Variants in CD9 observed in about 807,000 individuals in gnomAD.
The protein encoded by CD9 is CD9 molecule, also known as CD9 antigen.
CD9 carries 10 observed loss-of-function variants against 31.4 expected under a neutral mutation model. The observed-to-expected ratio is 0.32, with a 90% confidence interval of 0.20 to 0.54. The LOEUF is 0.54. CD9 is among the 20% of genes least tolerant of loss of function. The pLI is 0.94. For missense variants in CD9, 259 were observed against 300.1 expected, an observed-to-expected ratio of 0.86 and a Z score of 1.01; for synonymous variants, 113 against 114.1, an observed-to-expected ratio of 0.99 and a Z score of 0.06.
intron 6 of CD9, 64 bp downstream of exon 6, chr12:6,235,629 G>C (rs1946510636): frequency 6.6e-7 from 1 of 1,523,486 alleles, no homozygotes; most frequent in Non-Finnish European, 8.9e-7. Flanking sequence ...CTGCAAGCAT[G>C]AAAGTGACAG....
At chr12:6,205,838 C>T (rs932093098) in intron 1 of CD9, 1 of 152,240 alleles carries the variant, frequency 6.6e-6, no homozygotes, top group Non-Finnish European at 1.5e-5. Flanking sequence ...TCACCCCAAC[C>T]ACAGCTTCTG....
intron 7 of CD9, 177 bp downstream of exon 7, chr12:6,236,452 C>A: frequency 1.6e-6 from 1 of 619,806 alleles, no homozygotes; most frequent in Non-Finnish European, 2.8e-6. Flanking sequence ...ATGTTCTGAT[C>A]AAAGCCTCTC....
chr12:6,211,101 G>GCTGGGATTACAGCA (rs1259468695), intron 1 of CD9, among the ~76,000 whole-genome samples: 1 of 152,136 alleles, frequency 6.6e-6, no homozygotes, highest in Non-Finnish European at 1.5e-5. Flanking sequence ...CTCCCAAAGT[G>GCTGGGATTACAGCA]CTGGGATTAC....
intron 5 of CD9, 25 bp from the exon 6 acceptor site, chr12:6,235,451 C>G (rs1946507043): frequency 6.2e-7 from 1 of 1,613,650 alleles, no homozygotes; most frequent in Admixed American, 1.7e-5. Context: ...TTTCTCTCAT[C>G]CCCATCCCTG....
intron 1 of CD9, among the ~76,000 whole-genome samples, chr12:6,202,112 GAAATCTTCTA>G (rs1946084780): frequency 6.6e-6 from 1 of 152,152 alleles, no homozygotes; most frequent in Non-Finnish European, 1.5e-5. Context: ...CCTCCTTAGG[GAAATCTTCTA>G]AGATTCACTC....
At chr12:6,215,120 C>T (rs1382303680) in intron 1 of CD9, among the ~76,000 whole-genome samples, 1 of 152,134 alleles carries the variant, frequency 6.6e-6, no homozygotes, top group Non-Finnish European at 1.5e-5. Flanking sequence ...CCCCAAATGC[C>T]CCACTCTCCA....
Position 6,225,431 on chromosome 12 carries a change from C to T in CD9, c.72C>T (p.Ala24=), listed in dbSNP as rs371971163. ...LFGFNFIFWL[A]GIAVLAIGLW... ...ATGTCCTGTATGTCTTGCAGCTTGC[C>T]GGGATTGCTGTCCTTGCCATTGGAC... Residue 24 remains alanine (A), a synonymous_variant, in exon 2 of 8, where the codon GCC becomes GCT. Coordinates refer to ENST00000009180, the MANE Select transcript of CD9 (RefSeq NM_001769.4). 1.7e-5 allele frequency: 27 copies of T among 1,610,830 alleles called. No homozygotes were observed. Among genetic ancestry groups the T allele is most frequent in the Admixed American group, 3.3e-5 (2 of 59,990 alleles).
intron 1 of CD9, among the ~76,000 whole-genome samples, chr12:6,223,573 T>TG (rs1229786177): frequency 6.6e-6 from 1 of 151,108 alleles, no homozygotes; most frequent in East Asian, 1.9e-4. Context: ...CCTTTGTACT[T>TG]TTAATGCTCA....
At chr12:6,214,820 G>T (rs528418869) in intron 1 of CD9, among the ~76,000 whole-genome samples, 1 of 152,184 alleles carries the variant, frequency 6.6e-6, no homozygotes, top group African/African-American at 2.4e-5. Flanking sequence ...CCTCTCACGG[G>T]CCCACTGAGT....
At chr12:6,231,839 A>G (rs1018507197) in intron 2 of CD9, among the ~76,000 whole-genome samples, 3 of 152,180 alleles carry the variant, frequency 2.0e-5, no homozygotes, top group Non-Finnish European at 4.4e-5. Context: ...TCTTGTTAGC[A>G]TGCTATAGAG....
At chr12:6,215,992 A>C (rs1946239157) in intron 1 of CD9, among the ~76,000 whole-genome samples, 1 of 152,182 alleles carries the variant, frequency 6.6e-6, no homozygotes, top group African/African-American at 2.4e-5. Context: ...CAAAGACAAC[A>C]GCCCCAGCCT....
At chr12:6,201,720 G>T (rs2136595357) in intron 1 of CD9, among the ~76,000 whole-genome samples, 1 of 152,364 alleles carries the variant, frequency 6.6e-6, no homozygotes, top group African/African-American at 2.4e-5. Flanking sequence ...AGAAACAGGT[G>T]CATGCCACCA....
At chr12:6,236,378 A>T in intron 7 of CD9, 103 bp downstream of exon 7, 1 of 1,006,520 alleles carries the variant, frequency 9.9e-7, no homozygotes, top group Non-Finnish European at 1.5e-6. Context: ...TTGTCAACTC[A>T]CTTTGTCCTC....
chr12:6,220,413 G>A (rs924888780), intron 1 of CD9, among the ~76,000 whole-genome samples: 22 of 152,170 alleles, frequency 1.4e-4, no homozygotes, highest in African/African-American at 2.7e-4. Context: ...CACCCCTTTC[G>A]GGTTGGGAGA....
chr12:6,209,928 G>T (rs923779438), intron 1 of CD9, among the ~76,000 whole-genome samples: 1 of 152,000 alleles, frequency 6.6e-6, no homozygotes, highest in Admixed American at 6.6e-5. Flanking sequence ...CAGGTGATAC[G>T]CCCACCTCGG....
intron 1 of CD9, among the ~76,000 whole-genome samples, chr12:6,222,873 G>A (rs957329749): frequency 6.6e-6 from 1 of 152,128 alleles, no homozygotes; most frequent in African/African-American, 2.4e-5. Context: ...TAGTTCCTTG[G>A]CAGACCTGGG....
At chr12:6,214,592 G>GC (rs1197329137) in intron 1 of CD9, among the ~76,000 whole-genome samples, 5 of 151,706 alleles carry the variant, frequency 3.3e-5, no homozygotes, top group African/African-American at 1.2e-4. Flanking sequence ...CAAGCATTCC[G>GC]CCCCCCTCTC....
chr12:6,233,106 T>C lies in CD9; in HGVS notation c.274-306T>C, dbSNP rs951527159. 5 of 700,516 alleles carry C rather than the reference T, an allele frequency of 7.1e-6. No individual in the cohort carries two copies. The African/African-American group carries it at 8.8e-5, about 12-fold the overall frequency. The allele number at this position is 700,516 out of a possible 1,614,324, so 43.4% of individuals were successfully genotyped here. ...TTTACTTGCCCAAATCTCTTGTCTT[T>C]TGTGAACAATAGTAGTTGCCTGCTC... On this transcript the variant is annotated intron_variant, in intron 3 of 7. Coordinates refer to ENST00000009180, the MANE Select transcript of CD9 (RefSeq NM_001769.4).
In CD9 at chr12:6,205,174, C is replaced by G. The variant is rs113984371; in HGVS notation, c.66+4609C>G. ...ACAGCCTGCGCTGGGGTGAAGCTGG[C>G]TACACGTGCACTGAAGCTGGCAGGC... On this transcript the variant is annotated intron_variant, in intron 1 of 7. Coordinates refer to ENST00000009180, the MANE Select transcript of CD9 (RefSeq NM_001769.4). Among the ~76,000 whole-genome samples the G allele has an allele frequency of 1.3e-3, 200 of 152,326 alleles. 1 individual carries two copies. Among genetic ancestry groups the G allele is most frequent in the African/African-American group, 4.2e-3 (175 of 41,580 alleles).
Sources: allele counts gnomAD v4.1 joint callset (sites outside exome capture counted in the v4.1 genomes callset), GRCh38; gene constraint gnomAD v4.1.1; transcripts MANE v1.5; gene names NCBI Gene and HGNC (gene_info 2026-07-23, HGNC 2026-07-21).